NCAPH2: variants seen among roughly 807,000 people sequenced by gnomAD.
NCAPH2 encodes non-SMC condensin II complex subunit H2, also known as condensin-2 complex subunit H2.
NCAPH2 carries 56 observed loss-of-function variants against 88.6 expected under a neutral mutation model. The ratio of observed to expected loss-of-function variants is 0.63; its 90% CI spans 0.51 to 0.79. The LOEUF (loss-of-function observed/expected upper bound fraction) is 0.79, where lower values mean the gene tolerates loss of function less well. Ranked by LOEUF, NCAPH2 falls within the 30% of genes least tolerant of loss-of-function variation. The pLI is 0.00. For synonymous variants in NCAPH2, 378 were observed against 313.6 expected, an observed-to-expected ratio of 1.21 and a Z score of -2.17; for missense variants, 794 against 792.0, an observed-to-expected ratio of 1.00 and a Z score of -0.03.
chr22:50,515,845 G>A, intron 1 of NCAPH2: 1 of 1,241,854 alleles, frequency 8.1e-7, no homozygotes, highest in Non-Finnish European at 1.1e-6. Context: ...TGCAGCCCCA[G>A]AGCTAAGGAG....
At chr22:50,517,291 C>T in intron 2 of NCAPH2, 136 bp from the exon 3 acceptor site, 1 of 888,134 alleles carries the variant, frequency 1.1e-6, no homozygotes. Flanking sequence ...ATTTTTGGAA[C>T]CAAAATTGGT....
At position 50,524,537 on chromosome 22, in the gene NCAPH2, G is replaced by T; in HGVS notation, c.*1162G>T. ...TCTGAAGGACCCAGCCCACGTTCAG[G>T]CTTAACAGGCATTTGCAGCTGCTCA... On this transcript the variant is annotated 3_prime_UTR_variant, in exon 20 of 20. Coordinates refer to ENST00000420993, the MANE Select transcript of NCAPH2 (RefSeq NM_152299.4). 1.1e-6 allele frequency: 1 copy of T among 945,282 alleles called. No individual in the cohort carries two copies. Among genetic ancestry groups the T allele is most frequent in the Non-Finnish European group, 1.7e-6 (1 of 593,766 alleles). The allele number at this position is 945,282 out of a possible 1,614,324, so 58.6% of individuals were successfully genotyped here.
chr22:50,522,779 C>A, intron 17 of NCAPH2, 42 bp from the exon 18 acceptor site: 2 of 1,612,544 alleles, frequency 1.2e-6, no homozygotes, highest in Non-Finnish European at 1.7e-6. Context: ...GGTGCCCAGG[C>A]CCCTGCTTGG....
chr22:50,518,278 G>A lies in NCAPH2; in HGVS notation c.646G>A (p.Asp216Asn). ...TTCCCCCATGCCAGGGACCCAGAAG[G>A]GTGAGGGCTTGGATGCGGGGGGCTT... The part of the protein sequence containing the change: ...GVSPMPGTQK[D>N]TGRTEEQPME... The change falls in exon 7 of 20, where the codon GAC becomes AAC. Residue 216 changes from aspartate (D) to asparagine (N), a missense_variant and splice_region_variant. Physicochemically the swap from Asp to Asn is conservative, Grantham distance 23 (BLOSUM62 1). Around this residue, in one of 2 missense-constraint regions of NCAPH2, gnomAD observed 735 missense variants for 696.3 expected, o/e 1.06. Transcript: ENST00000420993. 3 of 1,612,408 alleles carry A rather than the reference G, an allele frequency of 1.9e-6. No homozygotes were observed. The highest frequency in any genetic ancestry group is 2.5e-6 in the Non-Finnish European group (3 of 1,179,706).
In NCAPH2 at chr22:50,523,915, G is replaced by A; in HGVS notation, c.*540G>A. 6.2e-7 allele frequency: 1 copy of A among 1,613,692 alleles called. No homozygotes were observed. Among genetic ancestry groups the A allele is most frequent in the Non-Finnish European group, 8.5e-7 (1 of 1,179,900 alleles). ...AACGTCGTCCCGCTCGGGGTCCACAGTGATGAAGACAGGCTGCACTGGAGG... is the reference window on the plus strand; with the variant it reads ...AACGTCGTCCCGCTCGGGGTCCACAATGATGAAGACAGGCTGCACTGGAGG... On this transcript the variant is annotated 3_prime_UTR_variant, in exon 20 of 20. Coordinates refer to ENST00000420993, the MANE Select transcript of NCAPH2 (RefSeq NM_152299.4).
intron 14 of NCAPH2, 33 bp downstream of exon 14, chr22:50,522,284 C>T: frequency 6.2e-7 from 1 of 1,609,558 alleles, no homozygotes; most frequent in Non-Finnish European, 8.5e-7. Flanking sequence ...TGATCTAGGA[C>T]CCCGTGGTGG....
chr22:50,517,076 T>C lies in NCAPH2; in HGVS notation c.211-351T>C, dbSNP rs192933866. Among the ~76,000 whole-genome samples, 381 of 152,150 alleles carry C rather than the reference T, an allele frequency of 2.5e-3. 10 individuals carry two copies. Among genetic ancestry groups the C allele is most frequent in the Admixed American group, 0.025 (375 of 15,300 alleles). ...GGAGGAGCAGCAGGGCTGCAGGCCGTCGGCAGAGTGGGTGCCAAGCACGAG... is the reference window on the plus strand; with the variant it reads ...GGAGGAGCAGCAGGGCTGCAGGCCGCCGGCAGAGTGGGTGCCAAGCACGAG... On this transcript the variant is annotated intron_variant, in intron 2 of 19. Coordinates refer to ENST00000420993, the MANE Select transcript of NCAPH2 (RefSeq NM_152299.4).
At chr22:50,515,431 C>G (rs548773760) in intron 1 of NCAPH2, among the ~76,000 whole-genome samples, 6 of 152,198 alleles carry the variant, frequency 3.9e-5, no homozygotes, top group African/African-American at 1.4e-4. Flanking sequence ...GAGTCTCGCT[C>G]TGTCGCCCAG....
chr22:50,518,135 G>T lies in NCAPH2; in HGVS notation c.503G>T (p.Arg168Leu). ...MEKNNNPLYSRQGEVLASRKD... is the reference protein window; with the variant it reads ...MEKNNNPLYSLQGEVLASRKD... ...CAGGCGTGTTTTTGCCAGCACAGCC[G>T]TCAGGGTGAGGTCCTGGCCAGCCGG... Residue 168 changes from arginine (R) to leucine (L), a missense_variant and splice_region_variant, in exon 7 of 20, where the codon CGT becomes CTT. Arg to Leu is a moderately radical substitution (Grantham distance 102). Coordinates refer to ENST00000420993, the MANE Select transcript of NCAPH2 (RefSeq NM_152299.4). 1 of 1,614,008 alleles carries T rather than the reference G, an allele frequency of 6.2e-7. No individual in the cohort carries two copies. The highest frequency in any genetic ancestry group is 1.1e-5 in the South Asian group (1 of 91,080).
rs1212817462 is a variant in NCAPH2 at position 50,522,488 on chromosome 22, C to T, written c.1307-13C>T. ...GCTGCCTGCGTGCTGTTCACTCTCC[C>T]ACCTCCCAGCAGATGACTTTCTAGA... On this transcript the variant is annotated splice_polypyrimidine_tract_variant and intron_variant, in intron 15 of 19. Coordinates refer to ENST00000420993, the MANE Select transcript of NCAPH2 (RefSeq NM_152299.4). 5 of 1,613,540 alleles carry T rather than the reference C, an allele frequency of 3.1e-6. No individual in the cohort carries two copies. In the African/African-American group the frequency reaches 5.3e-5, roughly 17 times the overall value.
chr22:50,523,833 G>A lies in NCAPH2; in HGVS notation c.*458G>A, dbSNP rs774335166. 1.9e-6 allele frequency: 3 copies of A among 1,614,080 alleles called. No homozygotes were observed. In the South Asian group the frequency reaches 3.3e-5, roughly 18 times the overall value. ...TAGCCTGGGCAACCTGTTTGGTGGA[G>A]CCGGTCAGACCCAACAGTCTTGGGT... On this transcript the variant is annotated 3_prime_UTR_variant, in exon 20 of 20. Coordinates refer to ENST00000420993, the MANE Select transcript of NCAPH2 (RefSeq NM_152299.4).
In NCAPH2 at chr22:50,523,069, G is replaced by A. The variant is rs747525172; in HGVS notation, c.1580G>A (p.Arg527Gln). ...IHTYGDQLVSRFPQLNEWCPF... is the reference protein window; with the variant it reads ...IHTYGDQLVSQFPQLNEWCPF... ...ACCTATGGGGACCAGCTGGTCTCAC[G>A]GTTCCCCCAGCTCAATGAGTGGTGT... Residue 527 changes from arginine (R) to glutamine (Q), a missense_variant, in exon 19 of 20, where the codon CGG becomes CAG. Transcript: ENST00000420993. 17 of 1,608,626 alleles carry A rather than the reference G, an allele frequency of 1.1e-5. No homozygotes were observed. The highest frequency in any genetic ancestry group is 3.3e-5 in the Admixed American group (2 of 59,840).
intron 1 of NCAPH2, among the ~76,000 whole-genome samples, chr22:50,511,631 C>G (rs2068786013): frequency 7.1e-6 from 1 of 140,344 alleles, no homozygotes; most frequent in Non-Finnish European, 1.5e-5. Context: ...CAGGCGCCTG[C>G]CACCACGCCT....
chr22:50,518,359 G>C (rs934781026), intron 7 of NCAPH2, 81 bp downstream of exon 7: 1 of 1,549,028 alleles, frequency 6.5e-7, no homozygotes, highest in African/African-American at 1.4e-5. Flanking sequence ...CCCTGTGCTT[G>C]CCACCTCTGG....
At chr22:50,516,974 G>A (rs947816211) in intron 2 of NCAPH2, among the ~76,000 whole-genome samples, 9 of 152,240 alleles carry the variant, frequency 5.9e-5, no homozygotes, top group African/African-American at 2.2e-4. Flanking sequence ...TGCAGGCCCC[G>A]TGGCGGCAGG....
intron 8 of NCAPH2, 71 bp from the exon 9 acceptor site, chr22:50,519,119 A>C: frequency 7.1e-7 from 1 of 1,409,944 alleles, no homozygotes; most frequent in Non-Finnish European, 9.5e-7. Context: ...GGAAGTAGCC[A>C]TCAGGGTCCC....
At chr22:50,509,798 T>G (rs2068736682) in intron 1 of NCAPH2, among the ~76,000 whole-genome samples, 1 of 152,218 alleles carries the variant, frequency 6.6e-6, no homozygotes, top group Admixed American at 6.5e-5. Context: ...GCTCTCCATT[T>G]TAGCCTCATT....
rs2148663172 is a variant in NCAPH2 at position 50,518,651 on chromosome 22, A to G, written c.649A>G (p.Thr217Ala). 1 of 1,605,932 alleles carries G rather than the reference A, an allele frequency of 6.2e-7. No homozygotes were observed. Among genetic ancestry groups the G allele is most frequent in the South Asian group, 1.1e-5 (1 of 89,392 alleles). ...TGTCTGATCCCTGTCTCTCCCAGAC[A>G]CCGGGAGGACTGAGGAGCAGCCAAT... is the stretch of plus-strand genomic sequence containing the variant. Reference protein sequence around the residue: ...VSPMPGTQKDTGRTEEQPMEV... With the variant: ...VSPMPGTQKDAGRTEEQPMEV... Residue 217 changes from threonine to alanine, a missense_variant and splice_region_variant, in exon 8 of 20, where the codon ACC becomes GCC. By Grantham distance (58) the Thr-to-Ala change is moderately conservative. Coordinates refer to ENST00000420993, the MANE Select transcript of NCAPH2 (RefSeq NM_152299.4).
intron 10 of NCAPH2, 23 bp downstream of exon 10, chr22:50,521,059 C>G: frequency 6.5e-7 from 1 of 1,548,570 alleles, no homozygotes; most frequent in Non-Finnish European, 8.7e-7. Context: ...GGGCCCTGAC[C>G]CCCGGCAGGG....
Sources: gnomAD v4.1 joint callset for allele counts (sites outside exome capture counted in the v4.1 genomes callset) on GRCh38, gnomAD v4.1.1 for gene constraint, gnomAD v4.1.1 regional missense constraint, MANE v1.5 for transcripts, NCBI Gene and HGNC (gene_info 2026-07-23, HGNC 2026-07-21) for gene names.